Variants in UBIAD1 observed in about 807,000 individuals in gnomAD.
UBIAD1 encodes ubiA prenyltransferase domain-containing protein 1.
In UBIAD1, 12 loss-of-function variants were observed where a neutral mutation model predicts 20.1. The observed-to-expected ratio is 0.60, with a 90% CI of 0.38 to 0.97. The LOEUF is 0.97. Among genes scored for constraint, UBIAD1 ranks in the 50% least tolerant of loss-of-function variants. The probability of loss-of-function intolerance (pLI) is 0.00; values close to 1 mark genes in which losing one functional copy is unlikely to be tolerated. For synonymous variants in UBIAD1, 207 were observed against 189.2 expected (o/e 1.09, Z -0.77); for missense variants, 333 against 419.5 (o/e 0.79, Z 1.80).
intron 1 of UBIAD1, 46 bp downstream of exon 1, chr1:11,274,106 AC>A (rs1345977984): frequency 6.2e-7 from 1 of 1,610,650 alleles, no homozygotes; most frequent in Non-Finnish European, 8.5e-7. Flanking sequence ...AGTCGCGTCC[AC>A]TGGAAACCGC....
chr1:11,291,632 T>C (rs1047953482), downstream of UBIAD1, among the ~76,000 whole-genome samples: 6 of 148,448 alleles, frequency 4.0e-5, no homozygotes, highest in Admixed American at 1.3e-4. Flanking sequence ...AAAAGAAATA[T>C]GGAATGGATG....
chr1:11,273,919 G>C lies in UBIAD1; in HGVS notation c.388G>C (p.Asp130His), dbSNP rs1469529903. 6.2e-7 allele frequency: 1 copy of C among 1,614,232 alleles called. No individual in the cohort carries two copies. Among genetic ancestry groups the C allele is most frequent in the Non-Finnish European group, 8.5e-7 (1 of 1,180,038 alleles). The change falls in exon 1 of 2, where the codon GAT becomes CAT. Residue 130 changes from aspartate (D) to histidine (H), a missense_variant. Asp to His is a moderately conservative substitution (Grantham distance 81). Transcript: ENST00000376810. This position sits in a 1 kb window ranked among gnomAD's most constrained non-coding sequence, Gnocchi z 4.9. ...TGTGGACCGAATCTTGGAGCCGCAG[G>C]ATGTCGTCCGGTTCGGAGTCTTCCT... Reference protein sequence around the residue: ...TLVDRILEPQDVVRFGVFLYT... With the variant: ...TLVDRILEPQHVVRFGVFLYT...
At chr1:11,294,435 C>T (rs865827361) in intron 1 of UBIAD1, among the ~76,000 whole-genome samples, 3 of 152,186 alleles carry the variant, frequency 2.0e-5, no homozygotes, top group Non-Finnish European at 1.5e-5. Flanking sequence ...TGTGAGCCAC[C>T]ACACCCAGCC....
chr1:11,277,849 G>T (rs1054020519), intron 1 of UBIAD1, among the ~76,000 whole-genome samples: 2 of 152,008 alleles, frequency 1.3e-5, no homozygotes, highest in Admixed American at 1.3e-4. Context: ...TCTCCATGTT[G>T]GTCAGGCTGG....
rs917394173 is a variant in UBIAD1 at position 11,286,896 on chromosome 1, A to G, written c.*765A>G. 1 of 152,638 alleles carries G rather than the reference A, an allele frequency of 6.6e-6. No homozygotes were observed. Among genetic ancestry groups the G allele is most frequent in the Non-Finnish European group, 1.5e-5 (1 of 68,406 alleles). 9.5% of individuals were successfully genotyped at this position (152,638 alleles called of 1,614,324 possible). ...CTGTTTTCCCTTTGTTGAATCTACT[A>G]GAGTGACAGGAAGGACTCCCAGCCC... On this transcript the variant is annotated 3_prime_UTR_variant, in exon 2 of 2. Coordinates refer to ENST00000376810, the MANE Select transcript of UBIAD1 (RefSeq NM_013319.3).
chr1:11,273,359 G>A lies in UBIAD1; in HGVS notation c.-173G>A. The A allele has an allele frequency of 2.8e-6, 2 of 714,476 alleles. No homozygotes were observed. The highest frequency in any genetic ancestry group is 4.6e-6 in the Non-Finnish European group (2 of 431,736). 44.3% of individuals were successfully genotyped at this position (714,476 alleles called of 1,614,324 possible). On this transcript the variant is annotated 5_prime_UTR_variant, in exon 1 of 2. Coordinates refer to ENST00000376810, the MANE Select transcript of UBIAD1 (RefSeq NM_013319.3). The surrounding 1 kb of genome is among the most constrained non-coding windows in gnomAD (Gnocchi z 4.9). ...AGGGGCGGCGCCGCTTGGCCTCGTG[G>A]GGTGTAAGACCCACTTGCTGTTGCC...
In UBIAD1 at chr1:11,273,811, G is replaced by C. The variant is rs765080382; in HGVS notation, c.280G>C (p.Val94Leu). 1 of 1,614,200 alleles carries C rather than the reference G, an allele frequency of 6.2e-7. No homozygotes were observed. The highest frequency in any genetic ancestry group is 8.5e-7 in the Non-Finnish European group (1 of 1,180,046). Residue 94 changes from valine to leucine, a missense_variant, in exon 1 of 2, where the codon GTG becomes CTG. Val to Leu is a conservative substitution (Grantham distance 32). This residue lies in a region of UBIAD1 where 50 missense variants were observed against 101.2 expected (regional missense o/e 0.49). Transcript: ENST00000376810. The surrounding 1 kb of genome is among the most constrained non-coding windows in gnomAD (Gnocchi z 4.9). ...GGGTTGTGCCGTGGCTGTCCTGGCT[G>C]TGCACGGGGCCGGTAATTTGGTCAA... ...LVGCAVAVLA[V>L]HGAGNLVNTY...
intron 1 of UBIAD1, among the ~76,000 whole-genome samples, chr1:11,280,579 C>T (rs1260969087): frequency 2.6e-5 from 4 of 152,208 alleles, no homozygotes; most frequent in South Asian, 2.1e-4. Flanking sequence ...AAACCTGCTT[C>T]GCCCACAGCT....
At chr1:11,279,935 G>C (rs776710410) in intron 1 of UBIAD1, among the ~76,000 whole-genome samples, 6 of 152,198 alleles carry the variant, frequency 3.9e-5, no homozygotes, top group Admixed American at 1.3e-4. Context: ...GGTGGGGGAA[G>C]AAAAGGCACA....
intron 1 of UBIAD1, among the ~76,000 whole-genome samples, chr1:11,281,832 A>G (rs1394819976): frequency 6.6e-6 from 1 of 152,134 alleles, no homozygotes; most frequent in Admixed American, 6.5e-5. Flanking sequence ...TGAACTATGT[A>G]TGTATGTATG....
rs966657540 is a variant in UBIAD1, at chr1:11,285,692, C to G, written c.578C>G (p.Thr193Ser). 8.7e-6 allele frequency: 14 copies of G among 1,614,080 alleles called. No individual in the cohort carries two copies. Among genetic ancestry groups the G allele is most frequent in the Non-Finnish European group, 1.1e-5 (13 of 1,180,054 alleles). The part of the protein sequence containing the change: ...VALGDLIILI[T>S]FGPLAVMFAY... ...CTGGGAGACCTCATCATCCTCATCACTTTTGGCCCGCTGGCTGTGATGTTC... is the reference window on the plus strand; with the variant it reads ...CTGGGAGACCTCATCATCCTCATCAGTTTTGGCCCGCTGGCTGTGATGTTC... The change falls in exon 2 of 2, where the codon ACT (threonine) becomes AGT (serine). Residue 193 changes from threonine to serine, a missense_variant. Coordinates refer to ENST00000376810, the MANE Select transcript of UBIAD1 (RefSeq NM_013319.3). This position sits in a 1 kb window ranked among gnomAD's most constrained non-coding sequence, Gnocchi z 4.4.
At chr1:11,297,704 G>A (rs138370794), downstream of UBIAD1, among the ~76,000 whole-genome samples, 6 of 152,252 alleles carry the variant, frequency 3.9e-5, no homozygotes, top group East Asian at 3.9e-4. Flanking sequence ...CTTCTCATTC[G>A]AATGCTTCAC....
chr1:11,275,479 G>T (rs939237273), intron 1 of UBIAD1, among the ~76,000 whole-genome samples: 4 of 152,218 alleles, frequency 2.6e-5, no homozygotes, highest in Admixed American at 6.5e-5. Context: ...AGTGGCTCAT[G>T]TCTGTAATCC....
At position 11,285,790 on chromosome 1, in the gene UBIAD1, G is replaced by A. The variant is rs755253867; in HGVS notation, c.676G>A (p.Glu226Lys). 6 of 1,614,094 alleles carry A rather than the reference G, an allele frequency of 3.7e-6. No individual in the cohort carries two copies. Among genetic ancestry groups the A allele is most frequent in the South Asian group, 1.1e-5 (1 of 91,078 alleles). Residue 226 changes from glutamate (E) to lysine (K), a missense_variant, in exon 2 of 2, where the codon GAG becomes AAG. Physicochemically the swap from Glu to Lys is moderately conservative, Grantham distance 56. This residue lies in a region of UBIAD1 where 226 missense variants were observed against 263.5 expected (regional missense o/e 0.86). Transcript: ENST00000376810. The surrounding 1 kb of genome is among the most constrained non-coding windows in gnomAD (Gnocchi z 4.4). The stretch of plus-strand genomic sequence containing the variant: ...TGCCATCCCCCTCGCCCTCAGCACC[G>A]AGGCCATTCTCCATTCCAACAACAC... ...VYAIPLALST[E>K]AILHSNNTRD...
rs1331999730 is a variant in UBIAD1, at chr1:11,286,444, CCTT to C, written c.*314_*316del. The C allele has an allele frequency of 2.5e-6, 1 of 402,824 alleles. No homozygotes were observed. Among genetic ancestry groups the C allele is most frequent in the African/African-American group, 2.1e-5 (1 of 48,694 alleles). 25.0% of individuals were successfully genotyped at this position (402,824 alleles called of 1,614,324 possible). A position where few individuals can be genotyped will look rare whatever the true frequency, so the allele number is the denominator to read the frequency against. ...TTGCAGTGAAGTGGACTTAGTTCCTCCTTGTTCTGTACAAAATGTCTCCAGACT... is the reference window on the plus strand; with the variant it reads ...TTGCAGTGAAGTGGACTTAGTTCCTCGTTCTGTACAAAATGTCTCCAGACT... On this transcript the variant is annotated 3_prime_UTR_variant, in exon 2 of 2. Transcript: ENST00000376810.
chr1:11,293,350 AG>A (rs1638398725), downstream of UBIAD1: 1 of 152,234 alleles, frequency 6.6e-6, no homozygotes, highest in African/African-American at 2.4e-5. Context: ...TGGGTTTAAC[AG>A]GGAAGACAAA....
chr1:11,297,399 C>T (rs1313560565), downstream of UBIAD1, among the ~76,000 whole-genome samples: 1 of 152,212 alleles, frequency 6.6e-6, no homozygotes, highest in African/African-American at 2.4e-5. Context: ...TTTTGGACTT[C>T]TCAGCCCCCA....
chr1:11,285,025 G>A lies in UBIAD1; in HGVS notation c.530-619G>A, dbSNP rs1052963650. On this transcript the variant is annotated intron_variant, in intron 1 of 1. Coordinates refer to ENST00000376810, the MANE Select transcript of UBIAD1 (RefSeq NM_013319.3). The surrounding 1 kb of genome is among the most constrained non-coding windows in gnomAD (Gnocchi z 4.4). ...TGAGCAGGACAGAAACAGGAGGTAGGGGTGGTTTAGTTTCAATCTCATAGG... is the reference window on the plus strand; with the variant it reads ...TGAGCAGGACAGAAACAGGAGGTAGAGGTGGTTTAGTTTCAATCTCATAGG... Among the ~76,000 whole-genome samples, 6 of 152,254 alleles carry A rather than the reference G, an allele frequency of 3.9e-5. No individual in the cohort carries two copies. Among genetic ancestry groups the A allele is most frequent in the South Asian group, 2.1e-4 (1 of 4,808 alleles).
At position 11,285,850 on chromosome 1, in the gene UBIAD1, G is replaced by A. The variant is rs1638253247; in HGVS notation, c.736G>A (p.Val246Ile). The A allele has an allele frequency of 1.2e-6, 2 of 1,614,014 alleles. No individual in the cohort carries two copies. The highest frequency in any genetic ancestry group is 1.3e-5 in the African/African-American group (1 of 74,906). ...DMESDREAGI[V>I]TLAILIGPTF... Reference sequence around the variant, plus strand: ...GGAGTCCGACCGGGAGGCTGGTATCGTCACGCTGGCCATCCTCATCGGCCC... The same window carrying A: ...GGAGTCCGACCGGGAGGCTGGTATCATCACGCTGGCCATCCTCATCGGCCC... The change falls in exon 2 of 2, where the codon GTC (valine) becomes ATC (isoleucine). Residue 246 changes from valine to isoleucine, a missense_variant. Val to Ile is a conservative substitution (Grantham distance 29). Around this residue, in one of 3 missense-constraint regions of UBIAD1, gnomAD observed 226 missense variants for 263.5 expected, o/e 0.86. Coordinates refer to ENST00000376810, the MANE Select transcript of UBIAD1 (RefSeq NM_013319.3). This position sits in a 1 kb window ranked among gnomAD's most constrained non-coding sequence, Gnocchi z 4.4.
Sources: allele counts gnomAD v4.1 joint callset (sites outside exome capture counted in the v4.1 genomes callset), GRCh38; gene constraint gnomAD v4.1.1; regional missense constraint gnomAD v4.1.1; non-coding constraint Gnocchi (gnomAD v3.1); transcripts MANE v1.5; gene names NCBI Gene and HGNC (gene_info 2026-07-23, HGNC 2026-07-21).